ZNF329: variants seen among roughly 807,000 people sequenced by gnomAD.
ZNF329 encodes the protein zinc finger protein 329.
ZNF329 carries 15 observed loss-of-function variants against 26.6 expected under a neutral mutation model. That is an observed-to-expected ratio of 0.56 (90% CI 0.38 to 0.87). ZNF329 has a LOEUF of 0.87. ZNF329 is among the 40% of genes least tolerant of loss of function. The pLI, the probability that ZNF329 is intolerant of heterozygous loss-of-function variation, is 0.00. For missense variants in ZNF329, 651 were observed against 651.9 expected (o/e 1.00, Z 0.02); for synonymous variants, 239 against 233.5 (o/e 1.02, Z -0.21).
intron 3 of ZNF329, among the ~76,000 whole-genome samples, chr19:58,135,083 T>A (rs190566552): frequency 1.3e-5 from 2 of 152,246 alleles, no homozygotes; most frequent in African/African-American, 4.8e-5. Context: ...GTAGCTCAGA[T>A]TATATTTAAA....
chr19:58,132,247 T>G (rs574668940), intron 3 of ZNF329: 1 of 152,070 alleles, frequency 6.6e-6, no homozygotes, highest in South Asian at 2.1e-4. Flanking sequence ...GGTACCTTAG[T>G]GGCAGCTGTG....
upstream of ZNF329, among the ~76,000 whole-genome samples, chr19:58,151,788 G>A (rs2075459655): frequency 6.6e-6 from 1 of 152,144 alleles, no homozygotes; most frequent in South Asian, 2.1e-4. Flanking sequence ...GGACCAGATA[G>A]ATTGTCCAAC....
intron 3 of ZNF329, chr19:58,137,185 C>T (rs752905243): frequency 6.6e-6 from 1 of 152,084 alleles, no homozygotes; most frequent in African/African-American, 2.4e-5. Flanking sequence ...CTAGTGATCT[C>T]ACTGTTCAAT....
intron 1 of ZNF329, among the ~76,000 whole-genome samples, chr19:58,148,421 TA>T (rs1226157382): frequency 7.8e-6 from 1 of 127,672 alleles, no homozygotes; most frequent in African/African-American, 3.0e-5. Context: ...GAGAGGAAGG[TA>T]AAAAATTTCC....
chr19:58,153,591 A>G (rs1195097380), upstream of ZNF329, among the ~76,000 whole-genome samples: 1 of 152,210 alleles, frequency 6.6e-6, no homozygotes, highest in Admixed American at 6.5e-5. Flanking sequence ...CTTTACAGAA[A>G]CAGAAGGCCC....
At chr19:58,147,182 G>A (rs1484946375) in intron 1 of ZNF329, among the ~76,000 whole-genome samples, 2 of 149,978 alleles carry the variant, frequency 1.3e-5, no homozygotes, top group Admixed American at 1.3e-4. Context: ...GGGATGTGAG[G>A]AGCGCCTCTG....
intron 3 of ZNF329, among the ~76,000 whole-genome samples, chr19:58,140,499 G>A (rs554438423): frequency 1.4e-5 from 2 of 146,372 alleles, no homozygotes; most frequent in South Asian, 2.2e-4. Flanking sequence ...TGCAAGCTCC[G>A]TCTCCCGGGT....
chr19:58,150,845 C>T (rs78560062), upstream of ZNF329: 22,204 of 152,722 alleles, frequency 0.15, 1,599 homozygotes, highest in Admixed American at 0.19. Flanking sequence ...CCGAGCTTCC[C>T]CCGCCCAACG....
At chr19:58,131,619 C>T (rs1329270322) in intron 3 of ZNF329, among the ~76,000 whole-genome samples, 4 of 151,956 alleles carry the variant, frequency 2.6e-5, no homozygotes, top group Non-Finnish European at 5.9e-5. Context: ...TTTAAAAGCA[C>T]AAAGAATTAC....
intron 1 of ZNF329, among the ~76,000 whole-genome samples, chr19:58,145,050 C>T (rs2075276675): frequency 6.6e-6 from 1 of 151,060 alleles, no homozygotes; most frequent in South Asian, 2.1e-4. Context: ...GGGGTTTCAC[C>T]ATGTTAGCCA....
At chr19:58,140,435 CAG>C (rs952591502) in intron 3 of ZNF329, among the ~76,000 whole-genome samples, 4 of 132,924 alleles carry the variant, frequency 3.0e-5, no homozygotes, top group Non-Finnish European at 6.3e-5. Context: ...TTTTTTGAGA[CAG>C]AGTCTTGCTC....
rs765712636 is a variant in ZNF329, at chr19:58,127,939, T to C, written c.1565A>G (p.Lys522Arg). The change falls in exon 4 of 4, where the codon AAG becomes AGG. Residue 522 changes from lysine to arginine, a missense_variant. Coordinates refer to ENST00000598312, the MANE Select transcript of ZNF329 (RefSeq NM_024620.4). ...RCPQCGKMFQ[K>R]SSSLVRHQRA... ...TTGATGTCGAACAAGGGATGAGCTC[T>C]TTTGGAACATTTTTCCACACTGAGG... 1.9e-5 allele frequency: 30 copies of C among 1,613,216 alleles called. No homozygotes were observed. In the Admixed American group the frequency reaches 5.0e-4, roughly 27 times the overall value.
At chr19:58,138,013 G>C (rs1036790638) in intron 3 of ZNF329, among the ~76,000 whole-genome samples, 1 of 151,950 alleles carries the variant, frequency 6.6e-6, no homozygotes, top group African/African-American at 2.4e-5. Context: ...AAGCAAAAAT[G>C]AACACATAAG....
chr19:58,148,860 G>T (rs1280874245), intron 1 of ZNF329, among the ~76,000 whole-genome samples: 1 of 152,194 alleles, frequency 6.6e-6, no homozygotes, highest in African/African-American at 2.4e-5. Flanking sequence ...CACCTGCTGT[G>T]TGTACAAGTG....
chr19:58,151,666 G>A (rs2075457221), upstream of ZNF329, among the ~76,000 whole-genome samples: 1 of 149,470 alleles, frequency 6.7e-6, no homozygotes, highest in African/African-American at 2.5e-5. Flanking sequence ...AAAACAGTTC[G>A]AAAAGTAAAC....
Position 58,128,077 on chromosome 19 carries a change from A to T in ZNF329, c.1427T>A (p.Ile476Asn). ...CTGATATGGGGTCTCCTTAGTGTGA[A>T]TTCTCTGGTGCTTGGTCAGACAGGA... ...DSSCLTKHQR[I>N]HTKETPYQCP... Residue 476 changes from isoleucine (I) to asparagine (N), a missense_variant, in exon 4 of 4, where the codon ATT becomes AAT. By Grantham distance (149) the Ile-to-Asn change is moderately radical. Coordinates refer to ENST00000598312, the MANE Select transcript of ZNF329 (RefSeq NM_024620.4). 1 of 1,610,554 alleles carries T rather than the reference A, an allele frequency of 6.2e-7. No homozygotes were observed. Among genetic ancestry groups the T allele is most frequent in the East Asian group, 2.2e-5 (1 of 44,854 alleles).
intron 1 of ZNF329, among the ~76,000 whole-genome samples, chr19:58,147,815 T>G (rs1600098553): frequency 4.8e-5 from 7 of 144,776 alleles, no homozygotes; most frequent in African/African-American, 1.3e-4. Context: ...GTCCGGGAGG[T>G]GAGGGGCGCC....
intron 3 of ZNF329, among the ~76,000 whole-genome samples, chr19:58,133,988 G>T (rs985511605): frequency 6.6e-6 from 1 of 152,206 alleles, no homozygotes; most frequent in Admixed American, 6.5e-5. Flanking sequence ...CAAGTGTTCT[G>T]AAGTCCTCAA....
rs1600034284 is a variant in ZNF329 at position 58,127,431 on chromosome 19, G to A, written c.*447C>T. On this transcript the variant is annotated 3_prime_UTR_variant, in exon 4 of 4. Transcript: ENST00000598312. Reference sequence around the variant, plus strand: ...GCAGGAGAACTGCTTGAACCTGGGAGGCAGAGGTTGCTGTGAGTGGAGATC... The same window carrying A: ...GCAGGAGAACTGCTTGAACCTGGGAAGCAGAGGTTGCTGTGAGTGGAGATC... The A allele has an allele frequency of 6.5e-6, 1 of 153,740 alleles. No individual in the cohort carries two copies. Among genetic ancestry groups the A allele is most frequent in the South Asian group, 2.1e-4 (1 of 4,838 alleles). The allele number at this position is 153,740 out of a possible 1,614,324, so 9.5% of individuals were successfully genotyped here. A position where few individuals can be genotyped will look rare whatever the true frequency, so the allele number is the denominator to read the frequency against.
Sources: allele counts gnomAD v4.1 joint callset (sites outside exome capture counted in the v4.1 genomes callset), GRCh38; gene constraint gnomAD v4.1.1; transcripts MANE v1.5; gene names NCBI Gene and HGNC (gene_info 2026-07-23, HGNC 2026-07-21).